The following RPH3A variants were observed in gnomAD, a reference collection of about 807,000 sequenced individuals.
The protein encoded by RPH3A is rabphilin 3A.
Under a neutral mutation model 102.2 loss-of-function variants are expected in RPH3A, and 48 were observed. The observed-to-expected ratio is 0.47, with a 90% confidence interval of 0.37 to 0.60. The LOEUF is 0.60. RPH3A is among the 20% of genes least tolerant of loss of function. The pLI is 0.00. For synonymous variants in RPH3A, 310 were observed against 324.3 expected (o/e 0.96, Z 0.47); for missense variants, 781 against 910.1 (o/e 0.86, Z 1.83).
intron 2 of RPH3A, among the ~76,000 whole-genome samples, chr12:112,804,573 T>C (rs2041421418): frequency 6.6e-6 from 1 of 152,258 alleles, no homozygotes; most frequent in Non-Finnish European, 1.5e-5. Context: ...TCGTGACAGC[T>C]GGCTGGCTGG....
At position 112,883,405 on chromosome 12, in the gene RPH3A, A is replaced by G. The variant is rs776406660; in HGVS notation, c.1436+3A>G. The G allele has an allele frequency of 6.2e-7, 1 of 1,610,572 alleles. No individual in the cohort carries two copies. ...GACATGCAAAGGAAGACCCTCAGGT[A>G]CCTGGCAGGCAGAGGGCAGAGAGGG... is the stretch of plus-strand genomic sequence containing the variant. On this transcript the variant is annotated splice_donor_region_variant and intron_variant, in intron 16 of 21. Transcript: ENST00000389385.
chr12:112,834,145 C>T (rs2042013934), intron 3 of RPH3A, among the ~76,000 whole-genome samples: 1 of 152,186 alleles, frequency 6.6e-6, no homozygotes, highest in African/African-American at 2.4e-5. Context: ...TCCCTCTCCC[C>T]ACCCATCCCT....
intron 1 of RPH3A, among the ~76,000 whole-genome samples, chr12:112,737,196 T>C (rs2040675987): frequency 6.6e-6 from 1 of 150,980 alleles, no homozygotes; most frequent in African/African-American, 2.4e-5. Flanking sequence ...AAACAAAAGC[T>C]ACTTCTTTAT....
Position 112,644,874 on chromosome 12 carries a change from A to G in RPH3A, c.-140+69555A>G, listed in dbSNP as rs546842392. Among the ~76,000 whole-genome samples, 12 of 152,314 alleles carry G rather than the reference A, an allele frequency of 7.9e-5. No homozygotes were observed. In the South Asian group the frequency reaches 2.5e-3, roughly 32 times the overall value. ...ACCCTGAATAGCTGCAGCTCATTAC[A>G]TGGAAAGAAACTGAAAATAAAATCA... On this transcript the variant is annotated intron_variant, in intron 1 of 21. Coordinates refer to the RPH3A transcript ENST00000543106.
At chr12:112,824,819 G>T (rs1181279764) in intron 2 of RPH3A, among the ~76,000 whole-genome samples, 1 of 152,150 alleles carries the variant, frequency 6.6e-6, no homozygotes, top group Non-Finnish European at 1.5e-5. Context: ...CATACCCCTG[G>T]TGTGCGTGAC....
At chr12:112,732,403 T>C (rs1277101475) in intron 1 of RPH3A, among the ~76,000 whole-genome samples, 2 of 152,206 alleles carry the variant, frequency 1.3e-5, no homozygotes, top group Non-Finnish European at 2.9e-5. Context: ...GGCCTTGTAT[T>C]TCTTACCCGT....
intron 1 of RPH3A, among the ~76,000 whole-genome samples, chr12:112,638,869 A>G (rs1034700289): frequency 6.6e-6 from 1 of 152,210 alleles, no homozygotes; most frequent in Non-Finnish European, 1.5e-5. Context: ...TCAGTGGAAT[A>G]GGAGGATACT....
intron 17 of RPH3A, among the ~76,000 whole-genome samples, chr12:112,888,138 A>T (rs1323365544): frequency 6.6e-6 from 1 of 152,238 alleles, no homozygotes; most frequent in African/African-American, 2.4e-5. Flanking sequence ...CACTTCGAAC[A>T]TGAGTTCTTC....
chr12:112,629,465 A>ATTTTTTT (rs11294395), intron 1 of RPH3A, among the ~76,000 whole-genome samples: 5 of 84,032 alleles, frequency 6.0e-5, no homozygotes, highest in Non-Finnish European at 6.6e-5. Flanking sequence ...TGCACTTTGC[A>ATTTTTTT]TTTTTTTTTT....
chr12:112,613,983 C>T (rs2039658500), intron 1 of RPH3A, among the ~76,000 whole-genome samples: 1 of 152,064 alleles, frequency 6.6e-6, no homozygotes, highest in Admixed American at 6.6e-5. Context: ...TAAGAGGAGA[C>T]ATGATGATAG....
intron 1 of RPH3A, among the ~76,000 whole-genome samples, chr12:112,659,645 G>A (rs963571335): frequency 6.6e-6 from 1 of 152,138 alleles, no homozygotes; most frequent in Non-Finnish European, 1.5e-5. Context: ...TTTTGTGGGA[G>A]ATACTTTGAG....
At chr12:112,817,792 C>T (rs533283062) in intron 2 of RPH3A, among the ~76,000 whole-genome samples, 2 of 152,226 alleles carry the variant, frequency 1.3e-5, no homozygotes, top group South Asian at 4.1e-4. Flanking sequence ...ACTTTCTGTC[C>T]TCCAAGGAGC....
chr12:112,741,542 C>A (rs1289645398), intron 1 of RPH3A, among the ~76,000 whole-genome samples: 3 of 152,150 alleles, frequency 2.0e-5, no homozygotes, highest in African/African-American at 7.2e-5. Context: ...TTTCGACCCC[C>A]ATGTCACCGG....
At chr12:112,714,060 C>G (rs1023509674) in intron 1 of RPH3A, among the ~76,000 whole-genome samples, 1 of 152,052 alleles carries the variant, frequency 6.6e-6, no homozygotes, top group African/African-American at 2.4e-5. Context: ...GTGGTTGGTA[C>G]ATGAAGTGTG....
At chr12:112,612,861 C>T (rs746852343) in intron 1 of RPH3A, among the ~76,000 whole-genome samples, 10 of 151,982 alleles carry the variant, frequency 6.6e-5, no homozygotes, top group Non-Finnish European at 1.0e-4. Flanking sequence ...CAGGTGTGAG[C>T]CACAGCATCC....
At chr12:112,806,065 C>T (rs939284569) in intron 2 of RPH3A, among the ~76,000 whole-genome samples, 16 of 152,132 alleles carry the variant, frequency 1.1e-4, no homozygotes, top group African/African-American at 3.9e-4. Context: ...ATAAAATAAA[C>T]CATTCACCCA....
chr12:112,745,085 A>G (rs2040735153), intron 1 of RPH3A, among the ~76,000 whole-genome samples: 1 of 152,094 alleles, frequency 6.6e-6, no homozygotes, highest in African/African-American at 2.4e-5. Flanking sequence ...TTTCCTCTGG[A>G]GCAGTTCTTG....
At chr12:112,755,602 G>A (rs944609418) in intron 1 of RPH3A, among the ~76,000 whole-genome samples, 3 of 152,076 alleles carry the variant, frequency 2.0e-5, no homozygotes, top group Non-Finnish European at 2.9e-5. Flanking sequence ...ATGATCCCTC[G>A]TGAGAAGAGC....
chr12:112,868,639 T>C (rs1565930938), intron 8 of RPH3A, 44 bp downstream of exon 8: 2 of 1,588,472 alleles, frequency 1.3e-6, no homozygotes, highest in Non-Finnish European at 1.7e-6. Flanking sequence ...GGACAGATCT[T>C]AGCCAACTGG....
Sources: gnomAD v4.1 joint callset for allele counts (sites outside exome capture counted in the v4.1 genomes callset) on GRCh38, gnomAD v4.1.1 for gene constraint, MANE v1.5 for transcripts, NCBI Gene and HGNC (gene_info 2026-07-23, HGNC 2026-07-21) for gene names.